The following ARHGEF10L variants were observed in gnomAD, a reference collection of about 807,000 sequenced individuals.
ARHGEF10L encodes rho guanine nucleotide exchange factor 10-like protein.
Under a neutral mutation model 141.2 loss-of-function variants are expected in ARHGEF10L, and 69 were observed. The observed-to-expected ratio is 0.49, with a 90% CI of 0.40 to 0.60. The LOEUF (loss-of-function observed/expected upper bound fraction) is 0.60. ARHGEF10L is among the 20% of genes least tolerant of loss of function. The pLI is 0.00. For synonymous variants in ARHGEF10L, 711 were observed against 718.5 expected, an observed-to-expected ratio of 0.99 and a Z score of 0.17; for missense variants, 1,482 against 1,734.3, an observed-to-expected ratio of 0.85 and a Z score of 2.58.
chr1:17,594,225 C>G (rs1171186286), intron 4 of ARHGEF10L, among the ~76,000 whole-genome samples: 2 of 152,078 alleles, frequency 1.3e-5, no homozygotes, highest in African/African-American at 4.8e-5. Flanking sequence ...TTGCAACACT[C>G]TCACAGGACA....
At chr1:17,596,639 G>A (rs1425973589) in intron 4 of ARHGEF10L, among the ~76,000 whole-genome samples, 4 of 152,234 alleles carry the variant, frequency 2.6e-5, no homozygotes, top group African/African-American at 9.6e-5. Flanking sequence ...CCCACATGGT[G>A]CAGCCTCTGG....
At chr1:17,565,263 A>G (rs1009755652) in intron 1 of ARHGEF10L, among the ~76,000 whole-genome samples, 11 of 152,140 alleles carry the variant, frequency 7.2e-5, no homozygotes, top group Admixed American at 7.2e-4. Context: ...TGCCTAATCC[A>G]TCACCTTGGG....
intron 9 of ARHGEF10L, 45 bp downstream of exon 9, chr1:17,616,247 T>C: frequency 1.4e-6 from 1 of 695,890 alleles, no homozygotes; most frequent in South Asian, 1.4e-5. Context: ...CAGCTCTGAC[T>C]GGGGGTCGGG....
chr1:17,614,313 C>G lies in ARHGEF10L; in HGVS notation c.726+1139C>G, dbSNP rs561534114. 3.3e-5 allele frequency among the ~76,000 whole-genome samples: 5 copies of G among 152,324 alleles called. No homozygotes were observed. In the East Asian group the frequency reaches 7.7e-4, roughly 24 times the overall value. ...GGGCTAACCTCTCAGGAAGCCAAGGCTTAGAGAGGTGCCCAGAGCTAGAGA... is the reference window on the plus strand; with the variant it reads ...GGGCTAACCTCTCAGGAAGCCAAGGGTTAGAGAGGTGCCCAGAGCTAGAGA... On this transcript the variant is annotated intron_variant, in intron 8 of 28. Coordinates refer to ENST00000361221, the MANE Select transcript of ARHGEF10L (RefSeq NM_018125.4).
chr1:17,664,744 A>G (rs1014388706), intron 26 of ARHGEF10L, 149 bp downstream of exon 26: 2 of 1,077,788 alleles, frequency 1.9e-6, no homozygotes, highest in African/African-American at 3.3e-5. Flanking sequence ...AGGGGGCCCA[A>G]GGTCCCTATT....
At chr1:17,527,566 G>T in the ARHGEF10L span, among the ~76,000 whole-genome samples, 12 of 152,154 alleles carry the variant, frequency 7.9e-5, no homozygotes, top group African/African-American at 2.9e-4. Context: ...TGTAGTTTGG[G>T]ATTGAGCAGG....
chr1:17,531,222 A>C, the ARHGEF10L span, among the ~76,000 whole-genome samples: 1 of 152,100 alleles, frequency 6.6e-6, no homozygotes, highest in African/African-American at 2.4e-5. Context: ...TGTGGGATAC[A>C]GTGGGGACTC....
intron 26 of ARHGEF10L, among the ~76,000 whole-genome samples, chr1:17,686,594 C>A (rs12729433): frequency 6.6e-6 from 1 of 151,692 alleles, no homozygotes; most frequent in East Asian, 1.9e-4. Context: ...GAGGACAGTT[C>A]GGGGGGGCAG....
rs543345019 is a variant in ARHGEF10L, at chr1:17,619,189, G to A, written c.836-150G>A. 16 of 646,122 alleles carry A rather than the reference G, an allele frequency of 2.5e-5. No homozygotes were observed. Among genetic ancestry groups the A allele is most frequent in the South Asian group, 3.7e-5 (2 of 53,998 alleles). 40.0% of individuals were successfully genotyped at this position (646,122 alleles called of 1,614,324 possible). Reference sequence around the variant, plus strand: ...AGGGAACTCCTGAGAAGGAGCTACCGGGCGGCTCTAACCCCACGGGGCCCC... The same window carrying A: ...AGGGAACTCCTGAGAAGGAGCTACCAGGCGGCTCTAACCCCACGGGGCCCC... On this transcript the variant is annotated intron_variant, in intron 9 of 28. Transcript: ENST00000361221. The surrounding 1 kb of genome is among the most constrained non-coding windows in gnomAD (Gnocchi z 5.0).
intron 27 of ARHGEF10L, among the ~76,000 whole-genome samples, chr1:17,688,823 A>T (rs989040546): frequency 2.0e-5 from 3 of 151,074 alleles, no homozygotes; most frequent in Non-Finnish European, 4.4e-5. Context: ...CCGGTCCCTA[A>T]CTCCCTCCCG....
intron 27 of ARHGEF10L, chr1:17,691,314 G>A (rs1569822900): frequency 3.5e-6 from 1 of 286,274 alleles, no homozygotes; most frequent in Non-Finnish European, 6.7e-6. Context: ...GGAGGGGGAG[G>A]GGGAAGGCCC....
At chr1:17,675,301 C>T (rs2063578017) in intron 26 of ARHGEF10L, among the ~76,000 whole-genome samples, 1 of 152,242 alleles carries the variant, frequency 6.6e-6, no homozygotes, top group African/African-American at 2.4e-5. Context: ...AGCCATCCCA[C>T]CCTGTGGCCT....
At position 17,654,564 on chromosome 1, in the gene ARHGEF10L, A is replaced by C; in HGVS notation, c.2395-72A>C. 1 of 1,369,568 alleles carries C rather than the reference A, an allele frequency of 7.3e-7. No individual in the cohort carries two copies. The highest frequency in any genetic ancestry group is 1.2e-5 in the South Asian group (1 of 86,198). The allele number at this position is 1,369,568 out of a possible 1,614,324, so 84.8% of individuals were successfully genotyped here. A position where few individuals can be genotyped will look rare whatever the true frequency, so the allele number is the denominator to read the frequency against. On this transcript the variant is annotated intron_variant, in intron 22 of 28. Transcript: ENST00000361221. This position sits in a 1 kb window ranked among gnomAD's most constrained non-coding sequence, Gnocchi z 4.3. ...ATCCAGGGAGAGTTGGATGGGGCCCAGGAATCTGCCAAATATTGGCATCTG... is the reference window on the plus strand; with the variant it reads ...ATCCAGGGAGAGTTGGATGGGGCCCCGGAATCTGCCAAATATTGGCATCTG...
chr1:17,610,880 C>T (rs2101085482), intron 7 of ARHGEF10L, among the ~76,000 whole-genome samples: 1 of 152,190 alleles, frequency 6.6e-6, no homozygotes, highest in African/African-American at 2.4e-5. Context: ...GGGCACGGAC[C>T]CAAGTGGAAG....
At chr1:17,613,446 G>A (rs2059649164) in intron 8 of ARHGEF10L, among the ~76,000 whole-genome samples, 1 of 152,222 alleles carries the variant, frequency 6.6e-6, no homozygotes, top group African/African-American at 2.4e-5. Flanking sequence ...TCCCAGGAGG[G>A]TTTTCAAACT....
chr1:17,575,724 G>A (rs967239662), intron 1 of ARHGEF10L, among the ~76,000 whole-genome samples: 3 of 152,220 alleles, frequency 2.0e-5, no homozygotes, highest in Admixed American at 1.3e-4. Flanking sequence ...CTGTGGCAGC[G>A]GAGGTGGCAG....
rs558873979 is a variant in ARHGEF10L at position 17,669,661 on chromosome 1, C to T, written c.3009+5066C>T. On this transcript the variant is annotated intron_variant, in intron 26 of 28. Transcript: ENST00000361221. ...CTTTCTGTCTGCGTCAGATGTAACT[C>T]CCAGGAGCTCCTCTTGTTTCCATGA... 9.8e-5 allele frequency among the ~76,000 whole-genome samples: 15 copies of T among 152,298 alleles called. No individual in the cohort carries two copies. In the South Asian group the frequency reaches 2.1e-3, roughly 21 times the overall value.
At chr1:17,658,614 T>C (rs1109875) in intron 25 of ARHGEF10L, among the ~76,000 whole-genome samples, 10,687 of 152,130 alleles carry the variant, frequency 0.07, 1,193 homozygotes, top group African/African-American at 0.24. Flanking sequence ...AACATGTGTG[T>C]ACCAAACGCT....
chr1:17,523,628 T>C, the ARHGEF10L span, among the ~76,000 whole-genome samples: 1 of 152,212 alleles, frequency 6.6e-6, no homozygotes, highest in Non-Finnish European at 1.5e-5. Context: ...GGTCACACAC[T>C]GTTCATGGCA....
Sources: gnomAD v4.1 joint callset for allele counts (sites outside exome capture counted in the v4.1 genomes callset) on GRCh38, gnomAD v4.1.1 for gene constraint, Gnocchi (gnomAD v3.1) non-coding constraint, MANE v1.5 for transcripts, NCBI Gene and HGNC (gene_info 2026-07-23, HGNC 2026-07-21) for gene names.